CDH23: variants seen among roughly 807,000 people sequenced by gnomAD.
CDH23 encodes the protein cadherin-23.
CDH23 carries 189 observed loss-of-function variants against 317.1 expected under a neutral mutation model. The ratio of observed to expected loss-of-function variants is 0.60; its 90% CI spans 0.53 to 0.67. CDH23 has a LOEUF of 0.67. Ranked by LOEUF, CDH23 falls within the 30% of genes least tolerant of loss-of-function variation. The probability of loss-of-function intolerance (pLI) is 0.00; values close to 1 mark genes in which losing one functional copy is unlikely to be tolerated. For synonymous variants in CDH23, 1,839 were observed against 1,876.8 expected (o/e 0.98, Z 0.52); for missense variants, 4,401 against 4,592.4 (o/e 0.96, Z 1.20).
chr10:71,510,516 A>T (rs1033541471), intron 4 of CDH23, among the ~76,000 whole-genome samples: 1 of 152,022 alleles, frequency 6.6e-6, no homozygotes, highest in South Asian at 2.1e-4. Flanking sequence ...GGAGGGTACA[A>T]GTCTACCCCT....
In CDH23 at chr10:71,532,705, GTTTTTGTTTTTTTTTTTTTTTGTTTTT is replaced by G. The variant is rs1224818790; in HGVS notation, c.429+21499_429+21525del. Among the ~76,000 whole-genome samples, 306 of 59,722 alleles carry G rather than the reference GTTTTTGTTTTTTTTTTTTTTTGTTTTT, an allele frequency of 5.1e-3. 1 individual carries two copies. The highest frequency in any genetic ancestry group is 8.6e-3 in the Non-Finnish European group (256 of 29,608). 39.2% of individuals were successfully genotyped at this position (59,722 alleles called of 152,430 possible). On this transcript the variant is annotated intron_variant, in intron 6 of 69. Transcript: ENST00000224721. ...GTTTGATGTTGGCAAGTTTTCTTTT[GTTTTTGTTTTTTTTTTTTTTTGTTTTT>G]TTTTTTTTTTTTTTTGAGACGGAGT...
chr10:71,604,474 A>C (rs115287300), intron 9 of CDH23, among the ~76,000 whole-genome samples: 1 of 152,096 alleles, frequency 6.6e-6, no homozygotes, highest in African/African-American at 2.4e-5. Flanking sequence ...CACCCAGTCC[A>C]TGCCCTCGTC....
At chr10:71,626,979 C>A (rs547294669) in intron 11 of CDH23, among the ~76,000 whole-genome samples, 2 of 152,218 alleles carry the variant, frequency 1.3e-5, no homozygotes, top group South Asian at 4.2e-4. Flanking sequence ...TCGCCCCATG[C>A]CGGAAGCCAG....
At position 71,777,715 on chromosome 10, in the gene CDH23, G is replaced by A; in HGVS notation, c.4881G>A (p.Glu1627=). The A allele has an allele frequency of 6.2e-7, 1 of 1,613,320 alleles. No homozygotes were observed. The highest frequency in any genetic ancestry group is 2.2e-5 in the East Asian group (1 of 44,864). Residue 1627 remains glutamate (E), a synonymous_variant, in exon 39 of 70, where the codon GAG becomes GAA. Transcript: ENST00000224721. ...TTHVYVTIVD[E]NDNAPMFQQP... is the part of the protein sequence containing the mutation. ...ACGTGTACGTGACCATTGTGGATGAGAATGATAACGCGCCCATGTTCCAGC... is the reference window on the plus strand; with the variant it reads ...ACGTGTACGTGACCATTGTGGATGAAAATGATAACGCGCCCATGTTCCAGC...
At position 71,643,846 on chromosome 10, in the gene CDH23, G is replaced by A. The variant is rs769613538; in HGVS notation, c.1135-15G>A. On this transcript the variant is annotated splice_polypyrimidine_tract_variant and intron_variant, in intron 11 of 69. Coordinates refer to ENST00000224721, the MANE Select transcript of CDH23 (RefSeq NM_022124.6). ...CTGTCTCCATATCCTTTGACTGACC[G>A]ACTCCCATTGACAGAATTTGGTAAG... 2.6e-5 allele frequency: 20 copies of A among 765,854 alleles called. No homozygotes were observed. The highest frequency in any genetic ancestry group is 1.0e-4 in the Admixed American group (6 of 58,956). The allele number at this position is 765,854 out of a possible 1,614,324, so 47.4% of individuals were successfully genotyped here. A position where few individuals can be genotyped will look rare whatever the true frequency, so the allele number is the denominator to read the frequency against.
intron 6 of CDH23, among the ~76,000 whole-genome samples, chr10:71,513,817 G>C (rs1854126598): frequency 6.6e-6 from 1 of 152,166 alleles, no homozygotes; most frequent in Non-Finnish European, 1.5e-5. Context: ...AGCAGGAGAA[G>C]GTCCTTCCCA....
chr10:71,731,557 C>A (rs1241783384), intron 31 of CDH23, among the ~76,000 whole-genome samples: 1 of 152,104 alleles, frequency 6.6e-6, no homozygotes, highest in African/African-American at 2.4e-5. Context: ...GGAAGGTGTC[C>A]CTGACACTGA....
chr10:71,803,423 ACTCCTGCCCCGAGGGC>A lies in CDH23; in HGVS notation c.7872+13_7872+28del. On this transcript the variant is annotated splice_donor_5th_base_variant and intron_variant, in intron 55 of 69. Transcript: ENST00000224721. ...GCACCATCCTCCACATCAGAGAGGTACTCCTGCCCCGAGGGCCTCCTGCCCACCAGTATTTCCTTCT... is the reference window on the plus strand; with the variant it reads ...GCACCATCCTCCACATCAGAGAGGTACTCCTGCCCACCAGTATTTCCTTCT... 6.3e-7 allele frequency: 1 copy of A among 1,581,906 alleles called. No homozygotes were observed. Among genetic ancestry groups the A allele is most frequent in the Non-Finnish European group, 8.6e-7 (1 of 1,164,980 alleles).
Position 71,811,976 on chromosome 10 carries a change from T to A in CDH23, c.9341T>A (p.Ile3114Asn). Residue 3114 changes from isoleucine to asparagine, a missense_variant, in exon 66 of 70, where the codon ATC (isoleucine) becomes AAC (asparagine). Ile to Asn is a moderately radical substitution (Grantham distance 149). This residue lies in a region of CDH23 where 1,144 missense variants were observed against 1,138.2 expected (regional missense o/e 1.01). Coordinates refer to ENST00000224721, the MANE Select transcript of CDH23 (RefSeq NM_022124.6). ...GSAGNRGFID[I>N]MDMPNTNKYS... ...GCAGGGAATCGTGGCTTCATCGACA[T>A]CATGGACATGCCTAACACCAACAAG... The A allele has an allele frequency of 6.6e-7, 1 of 1,526,546 alleles. No individual in the cohort carries two copies. Among genetic ancestry groups the A allele is most frequent in the Non-Finnish European group, 8.9e-7 (1 of 1,127,438 alleles). The allele number at this position is 1,526,546 out of a possible 1,614,324, so 94.6% of individuals were successfully genotyped here.
At chr10:71,547,231 G>A (rs1463084961) in intron 6 of CDH23, among the ~76,000 whole-genome samples, 3 of 152,218 alleles carry the variant, frequency 2.0e-5, no homozygotes, top group African/African-American at 7.2e-5. Flanking sequence ...CCAGACTGGG[G>A]GTCAGAGAAG....
chr10:71,634,936 T>C (rs1862190501), intron 11 of CDH23, among the ~76,000 whole-genome samples: 1 of 152,222 alleles, frequency 6.6e-6, no homozygotes, highest in African/African-American at 2.4e-5. Context: ...GGAAGTACCC[T>C]CTGGGCTGAC....
At chr10:71,454,882 C>T (rs1412577206) in intron 3 of CDH23, among the ~76,000 whole-genome samples, 1 of 150,658 alleles carries the variant, frequency 6.6e-6, no homozygotes, top group East Asian at 1.9e-4. Flanking sequence ...CCCTATTGCC[C>T]AGGCTGGAGT....
At chr10:71,450,570 G>T (rs1019254626) in intron 3 of CDH23, among the ~76,000 whole-genome samples, 1 of 152,168 alleles carries the variant, frequency 6.6e-6, no homozygotes, top group Non-Finnish European at 1.5e-5. Context: ...GTCTTGCCCT[G>T]AATCTACTTG....
chr10:71,725,253 C>T, intron 29 of CDH23, 119 bp from the exon 30 acceptor site: 1 of 1,511,002 alleles, frequency 6.6e-7, no homozygotes, highest in Non-Finnish European at 9.2e-7. Flanking sequence ...TCCCAGAAGA[C>T]CCGCAGCCTC....
chr10:71,460,463 A>G (rs1850923543), intron 3 of CDH23, among the ~76,000 whole-genome samples: 1 of 152,244 alleles, frequency 6.6e-6, no homozygotes, highest in African/African-American at 2.4e-5. Context: ...TGGCCTTTGA[A>G]AGGATAATTC....
intron 17 of CDH23, among the ~76,000 whole-genome samples, chr10:71,681,317 C>T (rs1864638826): frequency 6.6e-6 from 1 of 152,144 alleles, no homozygotes; most frequent in Non-Finnish European, 1.5e-5. Flanking sequence ...CCCCCACTCC[C>T]AAGCCAATAT....
At chr10:71,487,620 G>A (rs1448955588) in intron 3 of CDH23, among the ~76,000 whole-genome samples, 6 of 152,122 alleles carry the variant, frequency 3.9e-5, no homozygotes, top group East Asian at 3.8e-4. Flanking sequence ...AAAAAGAATC[G>A]TTAAATCATT....
At chr10:71,521,747 C>T (rs1001712217) in intron 6 of CDH23, among the ~76,000 whole-genome samples, 1 of 152,224 alleles carries the variant, frequency 6.6e-6, no homozygotes, top group African/African-American at 2.4e-5. Flanking sequence ...GAGGGCCGGC[C>T]CCGGCTCTTC....
rs533686301 is a variant in CDH23 at position 71,570,246 on chromosome 10, C to A, written c.625-544C>A. Among the ~76,000 whole-genome samples, 3 of 152,314 alleles carry A rather than the reference C, an allele frequency of 2.0e-5. No individual in the cohort carries two copies. The South Asian group carries it at 6.2e-4, about 32-fold the overall frequency. ...AATCCCCAGCCCAAAGCAAGGGACT[C>A]ATGAATGCAGGGACACAGGTGCCAG... On this transcript the variant is annotated intron_variant, in intron 7 of 69. Coordinates refer to ENST00000224721, the MANE Select transcript of CDH23 (RefSeq NM_022124.6).
Sources: gnomAD v4.1 joint callset for allele counts (sites outside exome capture counted in the v4.1 genomes callset) on GRCh38, gnomAD v4.1.1 for gene constraint, gnomAD v4.1.1 regional missense constraint, MANE v1.5 for transcripts, NCBI Gene and HGNC (gene_info 2026-07-23, HGNC 2026-07-21) for gene names.